The following ZNF517 variants were observed in gnomAD, a reference collection of about 807,000 sequenced individuals.
The protein encoded by ZNF517 is zinc finger protein 517.
In ZNF517, 12 loss-of-function variants were observed where a neutral mutation model predicts 12.1. The observed-to-expected ratio is 0.99, with a 90% confidence interval of 0.63 to 1.61. ZNF517 has a LOEUF of 1.61. Ranked by LOEUF, ZNF517 falls within the 40% of genes most tolerant of loss-of-function variation. The pLI, the probability that ZNF517 is intolerant of heterozygous loss-of-function variation, is 0.00. For missense variants in ZNF517, 781 were observed against 693.2 expected, an observed-to-expected ratio of 1.13 and a Z score of -1.42; for synonymous variants, 388 against 310.2, an observed-to-expected ratio of 1.25 and a Z score of -2.63.
chr8:144,800,603 C>T (rs543450131), intron 1 of ZNF517: 2 of 985,198 alleles, frequency 2.0e-6, no homozygotes, highest in Non-Finnish European at 2.4e-6. Flanking sequence ...CGCAGTGGCC[C>T]AGGTGGGTCC....
Position 144,808,602 on chromosome 8 carries a change from A to G in ZNF517, c.*207A>G, listed in dbSNP as rs1827418197. The G allele has an allele frequency of 6.8e-6, 4 of 586,444 alleles. No individual in the cohort carries two copies. The highest frequency in any genetic ancestry group is 1.9e-5 in the African/African-American group (1 of 51,558). 36.3% of individuals were successfully genotyped at this position (586,444 alleles called of 1,614,324 possible). On this transcript the variant is annotated 3_prime_UTR_variant, in exon 5 of 5. Transcript: ENST00000359971. ...AGCCCGTGGTGTGGCCTCAGGAACCACTATCAGCCACCATTTCCTGGGGCC... is the reference window on the plus strand; with the variant it reads ...AGCCCGTGGTGTGGCCTCAGGAACCGCTATCAGCCACCATTTCCTGGGGCC...
At chr8:144,802,823 G>A (rs1411473829) in intron 1 of ZNF517, 47 bp from the exon 2 acceptor site, 2 of 1,605,490 alleles carry the variant, frequency 1.2e-6, no homozygotes, top group African/African-American at 1.3e-5. Flanking sequence ...GGGGCTGGAG[G>A]GCCTTAGGCC....
At chr8:144,800,663 G>A (rs1826913348) in intron 1 of ZNF517, 1 of 985,264 alleles carries the variant, frequency 1.0e-6, no homozygotes, top group Admixed American at 6.2e-5. Flanking sequence ...GGTGGGGGTG[G>A]TGTGGCCCTG....
At chr8:144,813,188 C>A (rs1827603832), downstream of ZNF517, among the ~76,000 whole-genome samples, 1 of 151,828 alleles carries the variant, frequency 6.6e-6, no homozygotes. Flanking sequence ...TGGTGGCACA[C>A]ACCTGCAGTT....
chr8:144,811,751 C>T (rs1220801679), downstream of ZNF517, among the ~76,000 whole-genome samples: 6 of 95,984 alleles, frequency 6.3e-5, no homozygotes, highest in African/African-American at 8.4e-5. Flanking sequence ...ACGGACAGTA[C>T]GCTCAGCCAG....
chr8:144,807,672 C>T lies in ZNF517; in HGVS notation c.756C>T (p.His252=), dbSNP rs1203789787. Residue 252 remains histidine, a synonymous_variant, in exon 5 of 5, where the codon CAC becomes CAT. Coordinates refer to ENST00000359971, the MANE Select transcript of ZNF517 (RefSeq NM_213605.3). ...FRQSTQLAAH[H]RVHTRERPYA... ...AGAGCACGCAGCTGGCTGCCCACCA[C>T]CGCGTCCACACCCGCGAGCGGCCCT... 1 of 1,610,014 alleles carries T rather than the reference C, an allele frequency of 6.2e-7. No individual in the cohort carries two copies. Among genetic ancestry groups the T allele is most frequent in the Admixed American group, 1.7e-5 (1 of 59,888 alleles).
intron 1 of ZNF517, among the ~76,000 whole-genome samples, chr8:144,802,246 C>T (rs1013329489): frequency 2.6e-5 from 4 of 152,042 alleles, no homozygotes; most frequent in African/African-American, 9.7e-5. Context: ...GCAATGTTGC[C>T]CAGGCCGGAG....
At position 144,808,121 on chromosome 8, in the gene ZNF517, G is replaced by A. The variant is rs1390923407; in HGVS notation, c.1205G>A (p.Gly402Asp). Residue 402 changes from glycine (G) to aspartate (D), a missense_variant, in exon 5 of 5, where the codon GGC becomes GAC. Gly to Asp is a moderately conservative substitution (Grantham distance 94). Coordinates refer to ENST00000359971, the MANE Select transcript of ZNF517 (RefSeq NM_213605.3). ...GEKPFECAEC[G>D]KAFGRKSNLT... ...AAGCCGTTCGAGTGCGCGGAGTGCG[G>A]CAAGGCCTTCGGTCGCAAGTCCAAC... 6.2e-7 allele frequency: 1 copy of A among 1,612,284 alleles called. No individual in the cohort carries two copies. Among genetic ancestry groups the A allele is most frequent in the South Asian group, 1.1e-5 (1 of 90,998 alleles).
Position 144,808,376 on chromosome 8 carries a change from C to CAG in ZNF517, c.1460_1461insAG (p.Pro488GlyfsTer27). 5 of 1,456,362 alleles carry CAG rather than the reference C, an allele frequency of 3.4e-6. No individual in the cohort carries two copies. Among genetic ancestry groups the CAG allele is most frequent in the Non-Finnish European group, 4.5e-6 (5 of 1,104,040 alleles). The allele number at this position is 1,456,362 out of a possible 1,614,324, so 90.2% of individuals were successfully genotyped here. On this transcript the variant is annotated frameshift_variant, in exon 5 of 5. Coordinates refer to ENST00000359971, the MANE Select transcript of ZNF517 (RefSeq NM_213605.3). LOFTEE classifies it low-confidence loss of function (END_TRUNC). The stretch of plus-strand genomic sequence containing the variant: ...GGGGAGGACACAGAGGGCAGGCGGG[C>CAG]GCCCTGTTGGGCTTCCTGATGACGG...
intron 1 of ZNF517, among the ~76,000 whole-genome samples, chr8:144,801,905 C>T (rs909939804): frequency 7.9e-5 from 12 of 152,094 alleles, no homozygotes; most frequent in Middle Eastern, 3.4e-3. Context: ...TGGTGGCATG[C>T]GCCTGTAGTT....
At chr8:144,800,746 G>A (rs1826919445) in intron 1 of ZNF517, 6 of 959,246 alleles carry the variant, frequency 6.3e-6, no homozygotes, top group South Asian at 4.8e-5. Context: ...CACCCCCATC[G>A]CCCTTCGTAC....
intron 4 of ZNF517, among the ~76,000 whole-genome samples, chr8:144,804,550 G>A (rs560582045): frequency 6.6e-6 from 1 of 152,222 alleles, no homozygotes; most frequent in Admixed American, 6.5e-5. Context: ...TTCTCCTCAT[G>A]TGCAGAGACG....
Position 144,807,414 on chromosome 8 carries a change from C to G in ZNF517, c.498C>G (p.Asp166Glu). ...HSASPRVLQE[D>E]LGRPVGSSAP... is the part of the protein sequence containing the mutation. The stretch of plus-strand genomic sequence containing the variant: ...CCTCCCCAAGGGTTCTGCAGGAAGA[C>G]CTGGGCCGGCCTGTGGGGAGCTCAG... The change falls in exon 5 of 5, where the codon GAC becomes GAG. Residue 166 changes from aspartate to glutamate, a missense_variant. Transcript: ENST00000359971. The G allele has an allele frequency of 6.4e-7, 1 of 1,564,466 alleles. No homozygotes were observed. Among genetic ancestry groups the G allele is most frequent in the East Asian group, 2.4e-5 (1 of 41,524 alleles).
At chr8:144,799,015 C>A (rs914977398) in intron 1 of ZNF517, 78 bp downstream of exon 1, 1 of 152,188 alleles carries the variant, frequency 6.6e-6, no homozygotes. Context: ...GGCTGTAGCC[C>A]CCGCAGTGGG....
rs1827453882 is a variant in ZNF517 at position 144,809,174 on chromosome 8, G to C, written c.*779G>C. The C allele has an allele frequency of 3.2e-5, 4 of 124,132 alleles. No homozygotes were observed. Among genetic ancestry groups the C allele is most frequent in the Admixed American group, 3.1e-4 (4 of 13,104 alleles). The allele number at this position is 124,132 out of a possible 1,614,324, so 7.7% of individuals were successfully genotyped here. On this transcript the variant is annotated 3_prime_UTR_variant, in exon 5 of 5. Transcript: ENST00000359971. ...AAAAAAAGCCTAGATGGCTGGTGGA[G>C]CTCTATCTATCTATCTATCTATCTA...
chr8:144,805,782 A>T (rs1218927115), intron 4 of ZNF517, among the ~76,000 whole-genome samples: 7 of 135,358 alleles, frequency 5.2e-5, no homozygotes, highest in Middle Eastern at 4.0e-3. Context: ...CGCCCAGCCA[A>T]TTTTTTTTTT....
chr8:144,804,928 A>G (rs1408270025), intron 4 of ZNF517, among the ~76,000 whole-genome samples: 1 of 152,262 alleles, frequency 6.6e-6, no homozygotes, highest in African/African-American at 2.4e-5. Flanking sequence ...GTGGAACATG[A>G]AAGTGAAACA....
rs1035080546 is a variant in ZNF517, at chr8:144,809,037, T to G, written c.*642T>G. 1 of 151,414 alleles carries G rather than the reference T, an allele frequency of 6.6e-6. No individual in the cohort carries two copies. Among genetic ancestry groups the G allele is most frequent in the African/African-American group, 2.4e-5 (1 of 41,204 alleles). The allele number at this position is 151,414 out of a possible 1,614,324, so 9.4% of individuals were successfully genotyped here. On this transcript the variant is annotated 3_prime_UTR_variant, in exon 5 of 5. Coordinates refer to ENST00000359971, the MANE Select transcript of ZNF517 (RefSeq NM_213605.3). The stretch of plus-strand genomic sequence containing the variant: ...GCCTGTACGCTGTAGTCCCAGCTAC[T>G]CAGGAGGCTGAGGTGGGAGGATGGG...
intron 4 of ZNF517, among the ~76,000 whole-genome samples, chr8:144,804,770 G>A (rs939257372): frequency 3.9e-5 from 6 of 152,194 alleles, no homozygotes; most frequent in Middle Eastern, 3.2e-3. Flanking sequence ...CATGTTCACC[G>A]GACAGGGGGT....
Sources: gnomAD v4.1 joint callset for allele counts (sites outside exome capture counted in the v4.1 genomes callset) on GRCh38, gnomAD v4.1.1 for gene constraint, MANE v1.5 for transcripts, NCBI Gene and HGNC (gene_info 2026-07-23, HGNC 2026-07-21) for gene names.